ZNF609: variants seen among roughly 807,000 people sequenced by gnomAD.
ZNF609 encodes the protein zinc finger protein 609.
A neutral mutation model predicts 109.5 loss-of-function variants in ZNF609; 11 were observed. That is an observed-to-expected ratio of 0.10 (90% confidence interval 0.06 to 0.17). The LOEUF is 0.17. Ranked by LOEUF, ZNF609 falls within the 10% of genes least tolerant of loss-of-function variation. The pLI, the probability that ZNF609 is intolerant of heterozygous loss-of-function variation, is 1.00. For synonymous variants in ZNF609, 646 were observed against 662.0 expected, an observed-to-expected ratio of 0.98 and a Z score of 0.37; for missense variants, 1,559 against 1,772.4, an observed-to-expected ratio of 0.88 and a Z score of 2.16.
chr15:64,585,005 C>T (rs1176300928), intron 2 of ZNF609, among the ~76,000 whole-genome samples: 1 of 151,198 alleles, frequency 6.6e-6, no homozygotes, highest in African/African-American at 2.4e-5. Context: ...GGGGGCCCTG[C>T]TTAAGGTATT....
Position 64,674,150 on chromosome 15 carries a change from C to A in ZNF609, c.1296C>A (p.Ala432=), listed in dbSNP as rs1156409634. The A allele has an allele frequency of 6.2e-7, 1 of 1,614,168 alleles. No individual in the cohort carries two copies. Among genetic ancestry groups the A allele is most frequent in the Non-Finnish European group, 8.5e-7 (1 of 1,180,032 alleles). The part of the protein sequence containing the change: ...PASSTSEDVK[A]SPSSANKRKN... Reference sequence around the variant, plus strand: ...GCAGCACTTCTGAGGATGTCAAGGCCAGCCCTTCCTCAGCTAATAAGCGGA... The same window carrying A: ...GCAGCACTTCTGAGGATGTCAAGGCAAGCCCTTCCTCAGCTAATAAGCGGA... Residue 432 remains alanine (A), a synonymous_variant, in exon 5 of 10, where the codon GCC becomes GCA. Transcript: ENST00000326648.
At position 64,577,137 on chromosome 15, in the gene ZNF609, CAAAT is replaced by C. The variant is rs1567019196; in HGVS notation, c.748-45688_748-45685del. The stretch of plus-strand genomic sequence containing the variant: ...ATACATATATGTGTATATATACACA[CAAAT>C]ATATACATATGTGTATATATACACA... On this transcript the variant is annotated intron_variant, in intron 2 of 9. Coordinates refer to ENST00000326648, the MANE Select transcript of ZNF609 (RefSeq NM_015042.2). 2.6e-3 allele frequency among the ~76,000 whole-genome samples: 88 copies of C among 34,290 alleles called. 3 individuals carry two copies. Among genetic ancestry groups the C allele is most frequent in the African/African-American group, 5.1e-3 (85 of 16,754 alleles). 22.5% of individuals were successfully genotyped at this position (34,290 alleles called of 152,430 possible).
intron 3 of ZNF609, among the ~76,000 whole-genome samples, chr15:64,641,413 C>A (rs1408658740): frequency 2.0e-5 from 3 of 151,590 alleles, no homozygotes; most frequent in Non-Finnish European, 2.9e-5. Flanking sequence ...GATGGGGTTT[C>A]TCCATGTTGA....
intron 2 of ZNF609, among the ~76,000 whole-genome samples, chr15:64,512,100 A>G (rs956048362): frequency 1.3e-4 from 20 of 151,672 alleles, no homozygotes; most frequent in South Asian, 1.0e-3. Flanking sequence ...CTCCTTTTTC[A>G]TTGCTCAGTG....
Position 64,674,612 on chromosome 15 carries a change from A to T in ZNF609, c.1758A>T (p.Lys586Asn), listed in dbSNP as rs1238065852. The change falls in exon 5 of 10, where the codon AAA becomes AAT. Residue 586 changes from lysine (K) to asparagine (N), a missense_variant. Lys to Asn is a moderately conservative substitution (Grantham distance 94). This residue lies in a region of ZNF609 where 1,204 missense variants were observed against 1,314.1 expected (regional missense o/e 0.92). Coordinates refer to ENST00000326648, the MANE Select transcript of ZNF609 (RefSeq NM_015042.2). ...CTCCTTCAAGCAAATTCAGCACAAA[A>T]GGCCTCTGTAAGAAAAAGTTGAGTG... ...SPSPSSKFST[K>N]GLCKKKLSGE... 4 of 1,614,140 alleles carry T rather than the reference A, an allele frequency of 2.5e-6. No individual in the cohort carries two copies. Among genetic ancestry groups the T allele is most frequent in the Non-Finnish European group, 3.4e-6 (4 of 1,180,042 alleles).
At chr15:64,611,760 CT>C (rs756937951) in intron 2 of ZNF609, among the ~76,000 whole-genome samples, 6 of 149,424 alleles carry the variant, frequency 4.0e-5, no homozygotes, top group African/African-American at 4.9e-5. Context: ...GAGATGGAGT[CT>C]TTTGCTTTGT....
intron 2 of ZNF609, among the ~76,000 whole-genome samples, chr15:64,607,095 G>A (rs771157538): frequency 9.9e-5 from 15 of 152,072 alleles, no homozygotes; most frequent in Non-Finnish European, 1.6e-4. Context: ...AGTAAGCTGA[G>A]ATCGCGCCAC....
intron 3 of ZNF609, among the ~76,000 whole-genome samples, chr15:64,651,220 A>G (rs1274703804): frequency 1.3e-5 from 2 of 152,248 alleles, no homozygotes; most frequent in African/African-American, 4.8e-5. Flanking sequence ...TTTGTCATGT[A>G]GTCCCAAGTA....
At position 64,648,138 on chromosome 15, in the gene ZNF609, C is replaced by G. The variant is rs182956286; in HGVS notation, c.974-22208C>G. 4.6e-5 allele frequency among the ~76,000 whole-genome samples: 7 copies of G among 152,102 alleles called. 1 individual carries two copies. In the South Asian group the frequency reaches 6.2e-4, roughly 14 times the overall value. On this transcript the variant is annotated intron_variant, in intron 3 of 9. Transcript: ENST00000326648. ...CATTTAGTGTTTTACACCGAAAATA[C>G]GAGCTCCTGAGAACCAAGAAAGTGT...
intron 3 of ZNF609, among the ~76,000 whole-genome samples, chr15:64,646,982 C>T (rs1019141067): frequency 3.4e-5 from 5 of 147,254 alleles, no homozygotes; most frequent in Non-Finnish European, 5.9e-5. Context: ...TATGGTAACA[C>T]GTGCAGTGAT....
At chr15:64,656,286 A>T (rs1390083012) in intron 3 of ZNF609, among the ~76,000 whole-genome samples, 1 of 151,946 alleles carries the variant, frequency 6.6e-6, no homozygotes, top group Non-Finnish European at 1.5e-5. Context: ...CTGGTCTCGA[A>T]CTCCTGACCT....
At chr15:64,494,082 C>T (rs900892927) in intron 1 of ZNF609, among the ~76,000 whole-genome samples, 4 of 152,130 alleles carry the variant, frequency 2.6e-5, no homozygotes, top group East Asian at 1.9e-4. Context: ...GTAGTACTTA[C>T]GAAAACTCTT....
chr15:64,647,120 AGT>A (rs1896347775), intron 3 of ZNF609, among the ~76,000 whole-genome samples: 1 of 149,830 alleles, frequency 6.7e-6, no homozygotes, highest in African/African-American at 2.4e-5. Context: ...TGGGGGACAG[AGT>A]GAGACCCTGT....
intron 1 of ZNF609, among the ~76,000 whole-genome samples, chr15:64,461,057 G>GTTCA (rs1438459874): frequency 6.7e-6 from 1 of 148,894 alleles, no homozygotes; most frequent in Admixed American, 6.7e-5. Flanking sequence ...GCGGGGTGAA[G>GTTCA]TTCAAAGCGT....
intron 3 of ZNF609, among the ~76,000 whole-genome samples, chr15:64,640,699 T>C (rs1896240964): frequency 6.6e-6 from 1 of 152,222 alleles, no homozygotes; most frequent in African/African-American, 2.4e-5. Flanking sequence ...ATCTTTCTTA[T>C]TCCTAGTGGT....
At chr15:64,594,176 T>A (rs1038453112) in intron 2 of ZNF609, among the ~76,000 whole-genome samples, 2 of 152,222 alleles carry the variant, frequency 1.3e-5, no homozygotes, top group Admixed American at 6.6e-5. Context: ...GATTGTTATC[T>A]TACTAGGAAC....
intron 1 of ZNF609, among the ~76,000 whole-genome samples, chr15:64,477,431 C>T (rs1011928093): frequency 2.0e-5 from 3 of 151,936 alleles, no homozygotes; most frequent in Non-Finnish European, 4.4e-5. Flanking sequence ...TGAGCCACCA[C>T]GCCTGGCCTG....
At chr15:64,519,107 G>A (rs1014349795) in intron 2 of ZNF609, among the ~76,000 whole-genome samples, 4 of 140,162 alleles carry the variant, frequency 2.9e-5, no homozygotes, top group African/African-American at 1.0e-4. Context: ...ACCATTCTTG[G>A]CGGGTGCAGG....
intron 3 of ZNF609, among the ~76,000 whole-genome samples, chr15:64,646,634 CA>C (rs1180524819): frequency 4.4e-3 from 134 of 30,706 alleles, no homozygotes; most frequent in Middle Eastern, 0.023. Flanking sequence ...GACTCCATCT[CA>C]AAAAAAAAAA....
Sources: gnomAD v4.1 joint callset for allele counts (sites outside exome capture counted in the v4.1 genomes callset) on GRCh38, gnomAD v4.1.1 for gene constraint, gnomAD v4.1.1 regional missense constraint, MANE v1.5 for transcripts, NCBI Gene and HGNC (gene_info 2026-07-23, HGNC 2026-07-21) for gene names.